The following HYLS1 variants were observed in gnomAD, a reference collection of about 807,000 sequenced individuals.
HYLS1 encodes the protein centriolar and ciliogenesis-associated protein HYLS1.
HYLS1 carries 25 observed loss-of-function variants against 29.4 expected under a neutral mutation model. The ratio of observed to expected loss-of-function variants is 0.85; its 90% CI spans 0.62 to 1.19. HYLS1 has a LOEUF of 1.19. Among genes scored for constraint, HYLS1 ranks in the 50% most tolerant of loss-of-function variants. The pLI is 0.00. For missense variants in HYLS1, 352 were observed against 365.1 expected (o/e 0.96, Z 0.29); for synonymous variants, 128 against 126.7 (o/e 1.01, Z -0.07).
chr11:125,888,700 G>A (rs1198235834), intron 1 of HYLS1, among the ~76,000 whole-genome samples: 2 of 150,830 alleles, frequency 1.3e-5, no homozygotes, highest in African/African-American at 2.4e-5. Flanking sequence ...ACCCGGGAGG[G>A]AGAGGTTGCA....
chr11:125,886,767 C>A (rs1294120249), upstream of HYLS1, among the ~76,000 whole-genome samples: 1 of 151,262 alleles, frequency 6.6e-6, no homozygotes. Flanking sequence ...CAAAATTAGC[C>A]GGGCATGGTG....
chr11:125,900,261 C>T lies in HYLS1; in HGVS notation c.893C>T (p.Pro298Leu), dbSNP rs780805051. The T allele has an allele frequency of 4.3e-6, 7 of 1,613,830 alleles. No individual in the cohort carries two copies. Among genetic ancestry groups the T allele is most frequent in the Admixed American group, 1.7e-5 (1 of 60,022 alleles). The change falls in exon 3 of 3, where the codon CCT (proline) becomes CTT (leucine). Residue 298 changes from proline (P) to leucine (L), a missense_variant. Physicochemically the swap from Pro to Leu is moderately conservative, Grantham distance 98. Transcript: ENST00000425380. ...AGGAAGCTTCCCTTCCCTCTTTCTC[C>T]TTCTTAAATCTTTTTAAACTTCTTT... is the stretch of plus-strand genomic sequence containing the variant. ...IPRKLPFPLSPS is the reference protein window; with the variant it reads ...IPRKLPFPLSLS
chr11:125,895,027 G>A (rs1397960080), intron 2 of HYLS1, among the ~76,000 whole-genome samples: 5 of 151,538 alleles, frequency 3.3e-5, no homozygotes, highest in South Asian at 4.2e-4. Flanking sequence ...AGACAGTTAC[G>A]GTGGAGAGGA....
upstream of HYLS1, among the ~76,000 whole-genome samples, chr11:125,886,867 C>T (rs1944313230): frequency 7.0e-6 from 1 of 143,250 alleles, no homozygotes; most frequent in Non-Finnish European, 1.5e-5. Flanking sequence ...GCTGAGATCG[C>T]GCCACTACTC....
chr11:125,885,194 G>A (rs1442941272), upstream of HYLS1, among the ~76,000 whole-genome samples: 1 of 152,312 alleles, frequency 6.6e-6, no homozygotes, highest in South Asian at 2.1e-4. Context: ...GCTCACGCTG[G>A]AAATCCCAGC....
At chr11:125,894,140 C>G in intron 2 of HYLS1, 1 of 1,614,132 alleles carries the variant, frequency 6.2e-7, no homozygotes, top group Non-Finnish European at 8.5e-7. Flanking sequence ...TTGTAGCATA[C>G]TATACAACAT....
At chr11:125,895,088 C>G in intron 2 of HYLS1, 1 of 558,000 alleles carries the variant, frequency 1.8e-6, no homozygotes, top group Non-Finnish European at 3.0e-6. Context: ...CCTCTGTCAC[C>G]CATGCTGGAA....
chr11:125,887,764 G>T lies in HYLS1; in HGVS notation c.-77G>T, dbSNP rs1944332606. On this transcript the variant is annotated splice_region_variant and 5_prime_UTR_variant, in exon 1 of 3. Transcript: ENST00000425380. ...TGCAGAGAGCGGACTTCCGCGACGC[G>T]GGTAAGCCGGGCGAAGGCCGGAAGC... is the stretch of plus-strand genomic sequence containing the variant. 1 of 152,314 alleles carries T rather than the reference G, an allele frequency of 6.6e-6. No homozygotes were observed. The highest frequency in any genetic ancestry group is 2.4e-5 in the African/African-American group (1 of 41,480). 9.4% of individuals were successfully genotyped at this position (152,314 alleles called of 1,614,324 possible). A position where few individuals can be genotyped will look rare whatever the true frequency, so the allele number is the denominator to read the frequency against.
At chr11:125,892,936 T>G (rs986497426) in intron 2 of HYLS1, among the ~76,000 whole-genome samples, 2 of 152,262 alleles carry the variant, frequency 1.3e-5, no homozygotes, top group African/African-American at 4.8e-5. Context: ...TATTAAAGAA[T>G]TGAGCTGCCT....
chr11:125,897,838 C>T (rs1944634381), intron 2 of HYLS1, among the ~76,000 whole-genome samples: 1 of 152,136 alleles, frequency 6.6e-6, no homozygotes, highest in Non-Finnish European at 1.5e-5. Context: ...TGGCCCACCT[C>T]TCCCATGTCT....
chr11:125,898,060 G>A (rs1033954903), intron 2 of HYLS1, among the ~76,000 whole-genome samples: 3 of 151,994 alleles, frequency 2.0e-5, no homozygotes, highest in African/African-American at 7.3e-5. Context: ...TATCTTTAAG[G>A]TTCAGAAGAG....
chr11:125,889,196 G>A (rs184223786), intron 1 of HYLS1, among the ~76,000 whole-genome samples: 24 of 152,122 alleles, frequency 1.6e-4, no homozygotes, highest in Admixed American at 1.0e-3. Flanking sequence ...GTGTCGATAC[G>A]CATTACCATT....
At position 125,899,500 on chromosome 11, in the gene HYLS1, A is replaced by G. The variant is rs773632619; in HGVS notation, c.132A>G (p.Gln44=). The G allele has an allele frequency of 4.0e-5, 64 of 1,614,032 alleles. No individual in the cohort carries two copies. The highest frequency in any genetic ancestry group is 5.1e-5 in the Non-Finnish European group (60 of 1,180,032). The part of the protein sequence containing the change: ...QGEGDVRREA[Q]SIQYDPYSKA... ...AAGGAGATGTCAGGAGAGAAGCCCA[A>G]TCTATCCAATATGATCCCTACAGTA... is the stretch of plus-strand genomic sequence containing the variant. Residue 44 remains glutamine (Q), a synonymous_variant, in exon 3 of 3, where the codon CAA becomes CAG. Coordinates refer to ENST00000425380, the MANE Select transcript of HYLS1 (RefSeq NM_001134793.2).
At chr11:125,898,259 AT>A (rs1441489051) in intron 2 of HYLS1, among the ~76,000 whole-genome samples, 2 of 152,216 alleles carry the variant, frequency 1.3e-5, no homozygotes, top group African/African-American at 4.8e-5. Flanking sequence ...GACACAGGAA[AT>A]AGTGGACAGT....
Position 125,900,021 on chromosome 11 carries a change from A to G in HYLS1, c.653A>G (p.Glu218Gly). The change falls in exon 3 of 3, where the codon GAG (glutamate) becomes GGG (glycine). Residue 218 changes from glutamate to glycine, a missense_variant. Glu to Gly is a moderately conservative substitution (Grantham distance 98). Transcript: ENST00000425380. Reference sequence around the variant, plus strand: ...ACAGACCGGGTAGCCCGGTATTTTGAGTACAAACGGGACTGGGACTCAATA... The same window carrying G: ...ACAGACCGGGTAGCCCGGTATTTTGGGTACAAACGGGACTGGGACTCAATA... ...GKTDRVARYFEYKRDWDSIRL... is the reference protein window; with the variant it reads ...GKTDRVARYFGYKRDWDSIRL... 1 of 1,614,218 alleles carries G rather than the reference A, an allele frequency of 6.2e-7. No homozygotes were observed. Among genetic ancestry groups the G allele is most frequent in the Non-Finnish European group, 8.5e-7 (1 of 1,180,038 alleles).
At chr11:125,890,763 TAGA>T (rs559697129) in intron 1 of HYLS1, among the ~76,000 whole-genome samples, 90 of 152,350 alleles carry the variant, frequency 5.9e-4, no homozygotes, top group Non-Finnish European at 1.2e-3. Context: ...TCTTTTATAT[TAGA>T]AAGAGAAGGA....
chr11:125,900,184 G>A lies in HYLS1; in HGVS notation c.816G>A (p.Arg272=), dbSNP rs775566887. ...ATCTAGTACCAACAGAGAAGAAAAG[G>A]TCTGCACTCCGTTGGGGTGTTCGTT... The part of the protein sequence containing the change: ...NNYLVPTEKK[R]SALRWGVRCD... Residue 272 remains arginine (R), a synonymous_variant, in exon 3 of 3, where the codon AGG becomes AGA. Transcript: ENST00000425380. The A allele has an allele frequency of 2.5e-6, 4 of 1,614,144 alleles. No individual in the cohort carries two copies. Among genetic ancestry groups the A allele is most frequent in the Non-Finnish European group, 3.4e-6 (4 of 1,180,014 alleles).
At chr11:125,884,160 G>C (rs1007154768), upstream of HYLS1, 1 of 152,120 alleles carries the variant, frequency 6.6e-6, no homozygotes, top group African/African-American at 2.4e-5. Context: ...AAGAATAAAA[G>C]AAACTTAAAG....
Position 125,900,212 on chromosome 11 carries a change from G to T in HYLS1, c.844G>T (p.Asp282Tyr). 1.9e-6 allele frequency: 3 copies of T among 1,614,166 alleles called. No homozygotes were observed. Among genetic ancestry groups the T allele is most frequent in the Non-Finnish European group, 2.5e-6 (3 of 1,180,026 alleles). Residue 282 changes from aspartate to tyrosine, a missense_variant, in exon 3 of 3, where the codon GAC becomes TAC. Physicochemically the swap from Asp to Tyr is radical, Grantham distance 160. Coordinates refer to ENST00000425380, the MANE Select transcript of HYLS1 (RefSeq NM_001134793.2). ...TGCACTCCGTTGGGGTGTTCGTTGT[G>T]ACCTTGCAAATGGTGTCATACCCAG... ...RSALRWGVRC[D>Y]LANGVIPRKL...
Sources: gnomAD v4.1 joint callset for allele counts (sites outside exome capture counted in the v4.1 genomes callset) on GRCh38, gnomAD v4.1.1 for gene constraint, MANE v1.5 for transcripts, NCBI Gene and HGNC (gene_info 2026-07-23, HGNC 2026-07-21) for gene names.